The following CACNA2D3 variants were observed in gnomAD, a reference collection of about 807,000 sequenced individuals.
The protein encoded by CACNA2D3 is calcium voltage-gated channel auxiliary subunit alpha2delta 3.
CACNA2D3 carries 60 observed loss-of-function variants against 160.6 expected under a neutral mutation model. The observed-to-expected ratio is 0.37, with a 90% CI of 0.30 to 0.46. CACNA2D3 has a LOEUF of 0.46. CACNA2D3 is among the 20% of genes least tolerant of loss of function. The pLI, the probability that CACNA2D3 is intolerant of heterozygous loss-of-function variation, is 1.00. For synonymous variants in CACNA2D3, 558 were observed against 492.9 expected, an observed-to-expected ratio of 1.13 and a Z score of -1.75; for missense variants, 1,205 against 1,365.0, an observed-to-expected ratio of 0.88 and a Z score of 1.85.
rs1701296098 is a variant in CACNA2D3, at chr3:54,207,540, C to T, written c.204+83946C>T. On this transcript the variant is annotated intron_variant, in intron 2 of 37. Coordinates refer to ENST00000474759, the MANE Select transcript of CACNA2D3 (RefSeq NM_018398.3). ...AGGCTTGGAGGGATACATTTCTCTC[C>T]CTTGCACAAACCCACTGCTAACCTT... 2.0e-5 allele frequency among the ~76,000 whole-genome samples: 3 copies of T among 151,740 alleles called. No individual in the cohort carries two copies. The South Asian group carries it at 6.4e-4, about 32-fold the overall frequency.
intron 21 of CACNA2D3, among the ~76,000 whole-genome samples, chr3:54,883,829 T>TCTCTCCCTCC: frequency 6.9e-6 from 1 of 145,804 alleles, no homozygotes; most frequent in Middle Eastern, 3.5e-3. Context: ...CTCTCCTCTC[T>TCTCTCCCTCC]CTCCCTTCAA....
At chr3:54,989,183 G>A (rs770591503) in intron 31 of CACNA2D3, among the ~76,000 whole-genome samples, 6 of 152,258 alleles carry the variant, frequency 3.9e-5, no homozygotes, top group Non-Finnish European at 5.9e-5. Flanking sequence ...AGGAATAATC[G>A]CACACGTGTT....
At position 54,862,043 on chromosome 3, in the gene CACNA2D3, C is replaced by T. The variant is rs548401861; in HGVS notation, c.1627-9496C>T. ...TGAGTATTTTGCTGGATCACCTATC[C>T]GGTCGAGAAGACGGACCAATGATGG... On this transcript the variant is annotated intron_variant, in intron 17 of 37. Transcript: ENST00000474759. Among the ~76,000 whole-genome samples, 31 of 152,240 alleles carry T rather than the reference C, an allele frequency of 2.0e-4. 1 individual carries two copies. The highest frequency in any genetic ancestry group is 2.6e-4 in the African/African-American group (11 of 41,542).
intron 29 of CACNA2D3, among the ~76,000 whole-genome samples, chr3:54,984,179 C>T (rs996361965): frequency 1.3e-5 from 2 of 152,106 alleles, no homozygotes; most frequent in African/African-American, 4.8e-5. Flanking sequence ...TTCATTAATA[C>T]ATCATTAGAG....
intron 2 of CACNA2D3, among the ~76,000 whole-genome samples, chr3:54,203,718 T>C (rs1162886944): frequency 1.3e-5 from 2 of 152,054 alleles, no homozygotes; most frequent in Non-Finnish European, 2.9e-5. Flanking sequence ...GTGGCCTGCC[T>C]GTGTGCTGGC....
chr3:55,023,513 T>G (rs965156348), intron 35 of CACNA2D3, among the ~76,000 whole-genome samples: 1 of 152,174 alleles, frequency 6.6e-6, no homozygotes, highest in Non-Finnish European at 1.5e-5. Context: ...TTAAGATTGT[T>G]CTAATAGTTT....
At chr3:54,459,845 C>A (rs1448694768) in intron 4 of CACNA2D3, among the ~76,000 whole-genome samples, 1 of 152,140 alleles carries the variant, frequency 6.6e-6, no homozygotes, top group Non-Finnish European at 1.5e-5. Context: ...GAAGTCCTTG[C>A]CCATGCCTAT....
At chr3:54,840,800 G>A (rs1235469059) in intron 16 of CACNA2D3, among the ~76,000 whole-genome samples, 33 of 140,602 alleles carry the variant, frequency 2.3e-4, no homozygotes, top group African/African-American at 8.6e-4. Context: ...TCAGCTCACC[G>A]CAAGCTCCAC....
At chr3:54,941,152 T>C (rs1476597205) in intron 27 of CACNA2D3, among the ~76,000 whole-genome samples, 1 of 152,164 alleles carries the variant, frequency 6.6e-6, no homozygotes, top group African/African-American at 2.4e-5. Context: ...TTGGCCCCAG[T>C]TAAAGTAACT....
chr3:54,807,239 A>T (rs923945708), intron 13 of CACNA2D3, among the ~76,000 whole-genome samples: 1 of 152,222 alleles, frequency 6.6e-6, no homozygotes, highest in Non-Finnish European at 1.5e-5. Flanking sequence ...CTGCACAGCG[A>T]AAGAAACTAC....
chr3:54,212,836 C>T (rs1196110792), intron 2 of CACNA2D3, among the ~76,000 whole-genome samples: 1 of 152,176 alleles, frequency 6.6e-6, no homozygotes, highest in African/African-American at 2.4e-5. Context: ...TCTCTGCCTT[C>T]AGGCTTCAGT....
chr3:54,980,328 A>G (rs1026759423), intron 29 of CACNA2D3, among the ~76,000 whole-genome samples: 12 of 152,214 alleles, frequency 7.9e-5, no homozygotes, highest in Admixed American at 1.3e-4. Flanking sequence ...TAATTTACAG[A>G]AAAACTGAAT....
intron 11 of CACNA2D3, 57 bp from the exon 12 acceptor site, chr3:54,752,542 C>A: frequency 8.4e-7 from 1 of 1,187,750 alleles, no homozygotes; most frequent in Non-Finnish European, 1.2e-6. Flanking sequence ...TGCATGTGAT[C>A]TGTGCAGGAT....
chr3:54,581,956 T>C (rs1702685394), intron 9 of CACNA2D3, 79 bp downstream of exon 9: 2 of 1,191,380 alleles, frequency 1.7e-6, no homozygotes, highest in South Asian at 1.4e-5. Context: ...AATAAATCTG[T>C]CTTATCAAAT....
intron 2 of CACNA2D3, among the ~76,000 whole-genome samples, chr3:54,241,964 T>C (rs976931236): frequency 6.6e-6 from 1 of 152,202 alleles, no homozygotes; most frequent in Non-Finnish European, 1.5e-5. Context: ...GTAGTTCCTC[T>C]TTATCCAAAG....
chr3:54,984,721 G>A, intron 30 of CACNA2D3, 51 bp downstream of exon 30: 1 of 1,120,546 alleles, frequency 8.9e-7, no homozygotes, highest in Non-Finnish European at 1.3e-6. Context: ...GAATGTGCTT[G>A]GGTCAGGGGG....
intron 11 of CACNA2D3, among the ~76,000 whole-genome samples, chr3:54,715,479 A>G (rs1701035923): frequency 6.6e-6 from 1 of 152,046 alleles, no homozygotes; most frequent in South Asian, 2.1e-4. Context: ...TATTAACTCA[A>G]CATTCAGCTC....
intron 4 of CACNA2D3, among the ~76,000 whole-genome samples, chr3:54,451,899 T>G (rs1338958858): frequency 2.0e-5 from 3 of 152,200 alleles, no homozygotes; most frequent in East Asian, 3.9e-4. Context: ...TATACCACTC[T>G]GTATCTCAAT....
At chr3:54,534,680 T>C (rs187491046) in intron 5 of CACNA2D3, among the ~76,000 whole-genome samples, 2,216 of 152,032 alleles carry the variant, frequency 0.015, 25 homozygotes, top group Non-Finnish European at 0.022. Context: ...CCCAACACTT[T>C]GGGAGGCCAA....
Sources: allele counts gnomAD v4.1 joint callset (sites outside exome capture counted in the v4.1 genomes callset), GRCh38; gene constraint gnomAD v4.1.1; transcripts MANE v1.5; gene names NCBI Gene and HGNC (gene_info 2026-07-23, HGNC 2026-07-21).